CNTNAP2: variants seen among roughly 807,000 people sequenced by gnomAD.
CNTNAP2 encodes the protein contactin-associated protein-like 2.
Under a neutral mutation model 155.2 loss-of-function variants are expected in CNTNAP2, and 98 were observed. That is an observed-to-expected ratio of 0.63 (90% confidence interval 0.54 to 0.75). The LOEUF (loss-of-function observed/expected upper bound fraction) is 0.75. CNTNAP2 is among the 30% of genes least tolerant of loss of function. The pLI is 0.00. For missense variants in CNTNAP2, 1,727 were observed against 1,688.1 expected, an observed-to-expected ratio of 1.02 and a Z score of -0.40; for synonymous variants, 651 against 631.2, an observed-to-expected ratio of 1.03 and a Z score of -0.47.
At chr7:148,329,341 A>G (rs1271956200) in intron 21 of CNTNAP2, among the ~76,000 whole-genome samples, 1 of 152,234 alleles carries the variant, frequency 6.6e-6, no homozygotes, top group Non-Finnish European at 1.5e-5. Context: ...AGTTCAGACC[A>G]TCAAGAAGTC....
At chr7:147,329,576 CA>C (rs1404773148) in intron 9 of CNTNAP2, among the ~76,000 whole-genome samples, 1 of 152,060 alleles carries the variant, frequency 6.6e-6, no homozygotes, top group Non-Finnish European at 1.5e-5. Context: ...CAGGTGTAAG[CA>C]TGTAAGTGTG....
At chr7:146,172,163 C>A (rs1187744955) in intron 1 of CNTNAP2, among the ~76,000 whole-genome samples, 2 of 144,600 alleles carry the variant, frequency 1.4e-5, no homozygotes, top group Non-Finnish European at 3.0e-5. Flanking sequence ...CCTTGTATTT[C>A]TTACAATTTG....
At chr7:146,777,454 C>T (rs1477522508) in intron 2 of CNTNAP2, among the ~76,000 whole-genome samples, 3 of 152,284 alleles carry the variant, frequency 2.0e-5, no homozygotes, top group Admixed American at 6.5e-5. Context: ...TAGGGCTTCA[C>T]CCTTGTTGGC....
At chr7:147,685,411 C>T (rs1428960406) in intron 13 of CNTNAP2, among the ~76,000 whole-genome samples, 1 of 151,894 alleles carries the variant, frequency 6.6e-6, no homozygotes, top group Non-Finnish European at 1.5e-5. Flanking sequence ...AAATATAACT[C>T]AGAGTGTTTG....
rs567292122 is a variant in CNTNAP2 at position 148,057,075 on chromosome 7, T to C, written c.2384-61043T>C. On this transcript the variant is annotated intron_variant, in intron 15 of 23. Coordinates refer to ENST00000361727, the MANE Select transcript of CNTNAP2 (RefSeq NM_014141.6). ...TTTCTCATCTGTGCCCACCCTCTTATTGCAGTGAGGCTTGAGTGGTATTCA... is the reference window on the plus strand; with the variant it reads ...TTTCTCATCTGTGCCCACCCTCTTACTGCAGTGAGGCTTGAGTGGTATTCA... Among the ~76,000 whole-genome samples the C allele has an allele frequency of 3.9e-5, 6 of 152,312 alleles. No homozygotes were observed. The South Asian group carries it at 6.2e-4, about 16-fold the overall frequency.
intron 13 of CNTNAP2, among the ~76,000 whole-genome samples, chr7:147,702,477 T>G (rs1796250437): frequency 2.0e-5 from 3 of 151,898 alleles, no homozygotes; most frequent in Admixed American, 2.0e-4. Context: ...CACATATGTT[T>G]CAGTAAGAAT....
intron 8 of CNTNAP2, among the ~76,000 whole-genome samples, chr7:147,220,443 TTTAA>T (rs1270705688): frequency 2.0e-5 from 3 of 152,228 alleles, no homozygotes; most frequent in Non-Finnish European, 4.4e-5. Context: ...ATCTCTATCT[TTTAA>T]TTAGTGCATT....
In CNTNAP2 at chr7:147,311,039, C is replaced by A. The variant is rs186783003; in HGVS notation, c.1498+10749C>A. ...CATCTGTGGGGTGGTGCAGGAGGAACGTGGTCAGGTATCAAGGATGATGAG... is the reference window on the plus strand; with the variant it reads ...CATCTGTGGGGTGGTGCAGGAGGAAAGTGGTCAGGTATCAAGGATGATGAG... On this transcript the variant is annotated intron_variant, in intron 9 of 23. Transcript: ENST00000361727. Among the ~76,000 whole-genome samples the A allele has an allele frequency of 2.2e-3, 336 of 152,182 alleles. 3 individuals carry two copies. The highest frequency in any genetic ancestry group is 7.5e-3 in the African/African-American group (311 of 41,522).
intron 21 of CNTNAP2, among the ~76,000 whole-genome samples, chr7:148,348,989 A>G (rs1406755801): frequency 1.0e-5 from 1 of 97,128 alleles, no homozygotes; most frequent in Non-Finnish European, 2.1e-5. Flanking sequence ...CTGGAAATAG[A>G]TATTATTTTT....
chr7:146,362,711 T>A (rs1247622935), intron 1 of CNTNAP2, among the ~76,000 whole-genome samples: 1 of 149,972 alleles, frequency 6.7e-6, no homozygotes, highest in Non-Finnish European at 1.5e-5. Flanking sequence ...GGTAGGGGAG[T>A]GACACAAACT....
At chr7:146,855,811 ATAT>A (rs1794970240) in intron 3 of CNTNAP2, among the ~76,000 whole-genome samples, 1 of 6,286 alleles carries the variant, frequency 1.6e-4, no homozygotes, top group Non-Finnish European at 3.0e-4. Context: ...TAATGAGTAT[ATAT>A]ATATATATAT....
chr7:148,171,727 G>A (rs939894342), intron 17 of CNTNAP2, among the ~76,000 whole-genome samples: 3 of 152,186 alleles, frequency 2.0e-5, no homozygotes, highest in Admixed American at 2.0e-4. Context: ...GGAGCCTTGG[G>A]TAGTCTTGAC....
At chr7:148,006,278 T>C (rs1209097977) in intron 15 of CNTNAP2, among the ~76,000 whole-genome samples, 1 of 151,600 alleles carries the variant, frequency 6.6e-6, no homozygotes, top group Non-Finnish European at 1.5e-5. Flanking sequence ...AATAGCCTAG[T>C]AGCCTATACT....
Position 147,827,411 on chromosome 7 carries a change from A to T in CNTNAP2, c.2099-76154A>T, listed in dbSNP as rs199941464. 1.1e-4 allele frequency among the ~76,000 whole-genome samples: 16 copies of T among 152,322 alleles called. No individual in the cohort carries two copies. In the East Asian group the frequency reaches 2.7e-3, roughly 26 times the overall value. The stretch of plus-strand genomic sequence containing the variant: ...TGTACATAATAAATGTAAAGTGCTT[A>T]GCATAGCACATAAAATGTAAAGTGC... On this transcript the variant is annotated intron_variant, in intron 13 of 23. Transcript: ENST00000361727.
intron 12 of CNTNAP2, among the ~76,000 whole-genome samples, chr7:147,625,720 AGAACC>A: frequency 6.6e-6 from 1 of 152,340 alleles, no homozygotes; most frequent in African/African-American, 2.4e-5. Context: ...TGTTGCTCCA[AGAACC>A]AACAAAGGAA....
chr7:147,225,742 AGAAGGAAG>A (rs56768185), intron 8 of CNTNAP2, among the ~76,000 whole-genome samples: 18,068 of 103,618 alleles, frequency 0.17, 1,761 homozygotes, highest in Non-Finnish European at 0.21. Flanking sequence ...TAGGAAGGAA[AGAAGGAAG>A]GAAGGAAGGA....
chr7:146,495,642 A>AT (rs1360232854), intron 1 of CNTNAP2, among the ~76,000 whole-genome samples: 1 of 151,880 alleles, frequency 6.6e-6, no homozygotes, highest in Non-Finnish European at 1.5e-5. Flanking sequence ...CAGGACGAGA[A>AT]TAGCATAGGG....
At chr7:146,911,008 C>T (rs1562997973) in intron 3 of CNTNAP2, among the ~76,000 whole-genome samples, 1 of 151,770 alleles carries the variant, frequency 6.6e-6, no homozygotes. Context: ...CATGAACAGA[C>T]ACTTCTCAAG....
chr7:146,300,704 A>G (rs1020207086), intron 1 of CNTNAP2, among the ~76,000 whole-genome samples: 19 of 152,068 alleles, frequency 1.2e-4, no homozygotes, highest in Non-Finnish European at 2.5e-4. Flanking sequence ...TGGAGACATA[A>G]TTTGGAAATT....
Sources: allele counts gnomAD v4.1 joint callset (sites outside exome capture counted in the v4.1 genomes callset), GRCh38; gene constraint gnomAD v4.1.1; transcripts MANE v1.5; gene names NCBI Gene and HGNC (gene_info 2026-07-23, HGNC 2026-07-21).